The following RIMS1 variants were observed in gnomAD, a reference collection of about 807,000 sequenced individuals.
The protein encoded by RIMS1 is regulating synaptic membrane exocytosis protein 1.
RIMS1 carries 83 observed loss-of-function variants against 214.1 expected under a neutral mutation model. That is an observed-to-expected ratio of 0.39 (90% CI 0.32 to 0.47). RIMS1 has a LOEUF of 0.47. RIMS1 is among the 20% of genes least tolerant of loss of function. The pLI, the probability that RIMS1 is intolerant of heterozygous loss-of-function variation, is 0.99. For synonymous variants in RIMS1, 793 were observed against 786.8 expected, an observed-to-expected ratio of 1.01 and a Z score of -0.13; for missense variants, 2,050 against 2,161.8, an observed-to-expected ratio of 0.95 and a Z score of 1.03.
chr6:71,967,419 A>G (rs1321493752), intron 1 of RIMS1, among the ~76,000 whole-genome samples: 4 of 152,140 alleles, frequency 2.6e-5, no homozygotes, highest in Admixed American at 6.5e-5. Context: ...TGCATCTGCT[A>G]TTTTTAGTTA....
intron 4 of RIMS1, among the ~76,000 whole-genome samples, chr6:72,173,610 A>G (rs563061983): frequency 4.6e-5 from 7 of 152,208 alleles, no homozygotes; most frequent in Non-Finnish European, 8.8e-5. Context: ...TGACATCTGA[A>G]CACTAATTAA....
intron 2 of RIMS1, among the ~76,000 whole-genome samples, chr6:72,005,192 G>A (rs184166780): frequency 1.6e-4 from 25 of 152,204 alleles, no homozygotes; most frequent in African/African-American, 5.3e-4. Context: ...GATATGCGGC[G>A]TTATTTCTGA....
Position 72,182,480 on chromosome 6 carries a change from G to C in RIMS1, c.1009G>C (p.Gly337Arg). The C allele has an allele frequency of 6.2e-7, 1 of 1,612,460 alleles. No individual in the cohort carries two copies. The highest frequency in any genetic ancestry group is 1.1e-5 in the South Asian group (1 of 90,848). Residue 337 changes from glycine (G) to arginine (R), a missense_variant, in exon 6 of 34, where the codon GGC becomes CGC. Physicochemically the swap from Gly to Arg is moderately radical, Grantham distance 125. Coordinates refer to ENST00000521978, the MANE Select transcript of RIMS1 (RefSeq NM_014989.7). ...YPDTPEKRDE[G>R]KAADEEKQRK... ...AGACACGCCGGAAAAACGGGATGAG[G>C]GCAAAGCGGCGGATGAGGAAAAGCA...
At chr6:72,038,025 A>G (rs955516366) in intron 2 of RIMS1, among the ~76,000 whole-genome samples, 4 of 141,082 alleles carry the variant, frequency 2.8e-5, no homozygotes, top group African/African-American at 1.1e-4. Context: ...CTAACCTATG[A>G]TCCCAGCCTC....
intron 29 of RIMS1, among the ~76,000 whole-genome samples, chr6:72,342,920 T>C (rs1450631932): frequency 1.3e-5 from 2 of 151,660 alleles, no homozygotes; most frequent in African/African-American, 2.4e-5. Context: ...CTGAAGGAGC[T>C]TGAGTCAGAG....
chr6:72,233,684 ACT>A, intron 6 of RIMS1, 87 bp from the exon 7 acceptor site: 1 of 961,754 alleles, frequency 1.0e-6, no homozygotes, highest in Non-Finnish European at 1.6e-6. Context: ...TGATATTAAA[ACT>A]CTTTATAGAT....
chr6:72,346,477 A>G (rs931511430), intron 29 of RIMS1, among the ~76,000 whole-genome samples: 1 of 151,804 alleles, frequency 6.6e-6, no homozygotes, highest in African/African-American at 2.4e-5. Flanking sequence ...ACTTGTTCAC[A>G]TACGCCACTG....
At chr6:72,107,207 C>T (rs974732216) in intron 4 of RIMS1, among the ~76,000 whole-genome samples, 4 of 152,122 alleles carry the variant, frequency 2.6e-5, no homozygotes, top group Admixed American at 6.6e-5. Context: ...CCCTTGAATA[C>T]TCTGATAAGC....
chr6:72,396,273 AAC>A (rs1314933831), intron 31 of RIMS1, among the ~76,000 whole-genome samples: 1 of 152,182 alleles, frequency 6.6e-6, no homozygotes, highest in Non-Finnish European at 1.5e-5. Context: ...GTTTCTACAA[AAC>A]ACACGTGTGT....
intron 2 of RIMS1, among the ~76,000 whole-genome samples, chr6:71,995,998 G>C (rs1803295832): frequency 6.6e-6 from 1 of 152,068 alleles, no homozygotes; most frequent in South Asian, 2.1e-4. Context: ...TGTTGGCCAG[G>C]CTGGTCTCAA....
At chr6:72,190,789 G>A (rs910594942) in intron 6 of RIMS1, among the ~76,000 whole-genome samples, 2 of 152,108 alleles carry the variant, frequency 1.3e-5, no homozygotes, top group Non-Finnish European at 2.9e-5. Flanking sequence ...ATGCTGCTGG[G>A]CCCCAGTTTA....
At chr6:72,027,575 G>A (rs1251960456) in intron 2 of RIMS1, among the ~76,000 whole-genome samples, 6 of 151,810 alleles carry the variant, frequency 4.0e-5, no homozygotes, top group Admixed American at 3.9e-4. Flanking sequence ...CAAGTTCTTG[G>A]AAATGAACTA....
intron 26 of RIMS1, 89 bp downstream of exon 26, chr6:72,292,135 T>C (rs2154252661): frequency 1.2e-6 from 1 of 803,854 alleles, no homozygotes; most frequent in Non-Finnish European, 1.9e-6. Context: ...AATAGTATTT[T>C]GATTATATGT....
chr6:71,992,128 AAG>A (rs1801762895), intron 2 of RIMS1, among the ~76,000 whole-genome samples: 1 of 152,164 alleles, frequency 6.6e-6, no homozygotes, highest in African/African-American at 2.4e-5. Flanking sequence ...TTAGAGCTAA[AAG>A]AGGTTGAAAG....
chr6:71,947,099 A>G (rs1383538836), intron 1 of RIMS1, among the ~76,000 whole-genome samples: 1 of 152,120 alleles, frequency 6.6e-6, no homozygotes, highest in Non-Finnish European at 1.5e-5. Context: ...ATATCACTTT[A>G]CACCGTTAAA....
At chr6:71,974,726 G>A (rs933067323) in intron 2 of RIMS1, among the ~76,000 whole-genome samples, 3 of 152,168 alleles carry the variant, frequency 2.0e-5, no homozygotes, top group Non-Finnish European at 2.9e-5. Context: ...CAAGAAGAGA[G>A]CTAATTTAGG....
At chr6:72,196,579 A>ATTTTTTTTTTTTTTTT (rs1562552453) in intron 6 of RIMS1, among the ~76,000 whole-genome samples, 16 of 32,656 alleles carry the variant, frequency 4.9e-4, no homozygotes, top group African/African-American at 2.0e-3. Context: ...AGCCAGCTGC[A>ATTTTTTTTTTTTTTTT]CTTTTTTTTT....
chr6:72,258,039 G>A, intron 16 of RIMS1, 86 bp from the exon 17 acceptor site: 4 of 1,229,694 alleles, frequency 3.3e-6, no homozygotes, highest in Non-Finnish European at 4.6e-6. Flanking sequence ...ATCAATGGCT[G>A]CTTTAGAATA....
At chr6:72,345,362 G>A (rs1308100679) in intron 29 of RIMS1, among the ~76,000 whole-genome samples, 1 of 151,604 alleles carries the variant, frequency 6.6e-6, no homozygotes, top group Non-Finnish European at 1.5e-5. Context: ...AAAACCATTA[G>A]CAATAATAGT....
Sources: allele counts gnomAD v4.1 joint callset (sites outside exome capture counted in the v4.1 genomes callset), GRCh38; gene constraint gnomAD v4.1.1; transcripts MANE v1.5; gene names NCBI Gene and HGNC (gene_info 2026-07-23, HGNC 2026-07-21).